HSF1: variants seen among roughly 807,000 people sequenced by gnomAD.
The protein encoded by HSF1 is heat shock transcription factor 1.
Under a neutral mutation model 51.7 loss-of-function variants are expected in HSF1, and 32 were observed. The observed-to-expected ratio is 0.62, with a 90% CI of 0.47 to 0.83. HSF1 has a LOEUF of 0.83. Ranked by LOEUF, HSF1 falls within the 40% of genes least tolerant of loss-of-function variation. HSF1 has a pLI of 0.00. For missense variants in HSF1, 727 were observed against 717.0 expected (o/e 1.01, Z -0.16); for synonymous variants, 396 against 309.7 (o/e 1.28, Z -2.92).
At position 144,313,620 on chromosome 8, in the gene HSF1, A is replaced by G. The variant is rs1816847813; in HGVS notation, c.1248+4A>G. On this transcript the variant is annotated splice_donor_region_variant and intron_variant, in intron 10 of 12. Coordinates refer to ENST00000528838, the MANE Select transcript of HSF1 (RefSeq NM_005526.4). Reference sequence around the variant, plus strand: ...GGACACCAGTGCCCTGCTGGACGTGAGTGGAGCCCCGCCGCCCCGCCTCCC... The same window carrying G: ...GGACACCAGTGCCCTGCTGGACGTGGGTGGAGCCCCGCCGCCCCGCCTCCC... 5.8e-6 allele frequency: 9 copies of G among 1,545,962 alleles called. No individual in the cohort carries two copies. The highest frequency in any genetic ancestry group is 1.5e-5 in the African/African-American group (1 of 67,408).
Position 144,297,356 on chromosome 8 carries a change from C to CAG in HSF1, c.117+5483_117+5484dup, listed in dbSNP as rs1460230605. The stretch of plus-strand genomic sequence containing the variant: ...CTGTGACCCTGTGGGCCATGGTGAG[C>CAG]AGCAGTAGCCACCACACTTGTGCAC... On this transcript the variant is annotated intron_variant, in intron 1 of 12. Coordinates refer to ENST00000528838, the MANE Select transcript of HSF1 (RefSeq NM_005526.4). This position sits in a 1 kb window ranked among gnomAD's most constrained non-coding sequence, Gnocchi z 4.6. 6.6e-6 allele frequency among the ~76,000 whole-genome samples: 1 copy of CAG among 152,180 alleles called. No individual in the cohort carries two copies. Among genetic ancestry groups the CAG allele is most frequent in the Non-Finnish European group, 1.5e-5 (1 of 68,044 alleles).
chr8:144,310,136 C>A, intron 4 of HSF1: 1 of 514,374 alleles, frequency 1.9e-6, no homozygotes, highest in South Asian at 2.6e-5. Flanking sequence ...TCTGCACATC[C>A]CCAGCGCCCT....
chr8:144,313,683 C>CCGCG, intron 10 of HSF1, 67 bp downstream of exon 10: 1 of 75,584 alleles, frequency 1.3e-5, no homozygotes, highest in East Asian at 2.6e-4. Context: ...GCCTCCCCGC[C>CCGCG]CCGCCTCCCC....
Position 144,313,497 on chromosome 8 carries a change from T to C in HSF1, c.1143-14T>C, listed in dbSNP as rs1554845465. 2 of 1,579,366 alleles carry C rather than the reference T, an allele frequency of 1.3e-6. No individual in the cohort carries two copies. Among genetic ancestry groups the C allele is most frequent in the South Asian group, 1.1e-5 (1 of 90,356 alleles). ...CTGGGGCACTGGTTCAGGTACCGCC[T>C]TATCCCGGGCCAGGAATGAGCTCAG... On this transcript the variant is annotated splice_polypyrimidine_tract_variant and intron_variant, in intron 9 of 12. Transcript: ENST00000528838.
intron 2 of HSF1, 57 bp downstream of exon 2, chr8:144,309,071 G>C: frequency 7.6e-7 from 1 of 1,311,372 alleles, no homozygotes; most frequent in African/African-American, 1.4e-5. Flanking sequence ...CAGATGGCGG[G>C]ACCCCAGCAG....
intron 9 of HSF1, chr8:144,312,605 G>C (rs1461225367): frequency 6.5e-7 from 1 of 1,531,480 alleles, no homozygotes; most frequent in Non-Finnish European, 8.7e-7. Context: ...TGCAATGGGG[G>C]CTCTTGTTTT....
intron 10 of HSF1, 62 bp downstream of exon 10, chr8:144,313,678 C>CCCGCCCCG (rs1816913273): frequency 8.9e-6 from 1 of 112,058 alleles, no homozygotes; most frequent in Admixed American, 1.3e-4. Context: ...GCCCCGCCTC[C>CCCGCCCCG]CCGCCCCGCC....
At position 144,311,999 on chromosome 8, in the gene HSF1, G is replaced by A. The variant is rs1554844785; in HGVS notation, c.897G>A (p.Glu299=). The A allele has an allele frequency of 1.3e-6, 2 of 1,596,448 alleles. No homozygotes were observed. The highest frequency in any genetic ancestry group is 1.7e-6 in the Non-Finnish European group (2 of 1,170,966). Reference sequence around the variant, plus strand: ...GCAGCCCCCTGGTGCGTGTCAAGGAGGAGCCCCCCAGCCCGCCTCAGAGCC... The same window carrying A: ...GCAGCCCCCTGGTGCGTGTCAAGGAAGAGCCCCCCAGCCCGCCTCAGAGCC... ...LSSSPLVRVK[E]EPPSPPQSPR... is the part of the protein sequence containing the mutation. The change falls in exon 9 of 13, where the codon GAG becomes GAA. Residue 299 remains glutamate, a synonymous_variant. Transcript: ENST00000528838.
In HSF1 at chr8:144,312,086, C is replaced by T. The variant is rs782678571; in HGVS notation, c.984C>T (p.Thr328=). The T allele has an allele frequency of 2.2e-5, 36 of 1,612,394 alleles. 1 individual carries two copies. Among genetic ancestry groups the T allele is most frequent in the South Asian group, 9.9e-5 (9 of 91,088 alleles). The change falls in exon 9 of 13, where the codon ACC becomes ACT. Residue 328 remains threonine, a synonymous_variant. Transcript: ENST00000528838. ...CCGTGGACACCCTCTTGTCCCCGAC[C>T]GCCCTCATTGACTCCATCCTGCGGG... ...PSSVDTLLSP[T]ALIDSILRES...
chr8:144,293,878 G>C (rs1245389126), intron 1 of HSF1, among the ~76,000 whole-genome samples: 1 of 151,110 alleles, frequency 6.6e-6, no homozygotes, highest in Non-Finnish European at 1.5e-5. Context: ...TAATCTGCTT[G>C]CTGTTTCTGC....
At chr8:144,306,693 G>A (rs1816249446) in intron 1 of HSF1, among the ~76,000 whole-genome samples, 1 of 152,158 alleles carries the variant, frequency 6.6e-6, no homozygotes, top group Non-Finnish European at 1.5e-5. Context: ...GGTTGAGAGT[G>A]GCAGCTCTGG....
intron 1 of HSF1, among the ~76,000 whole-genome samples, chr8:144,306,801 G>A (rs1407083054): frequency 3.9e-5 from 6 of 152,228 alleles, no homozygotes; most frequent in African/African-American, 1.2e-4. Context: ...TAAAGGTTGC[G>A]TTCTTTCTTG....
chr8:144,298,415 G>A (rs952707465), intron 1 of HSF1, among the ~76,000 whole-genome samples: 9 of 150,342 alleles, frequency 6.0e-5, no homozygotes. Flanking sequence ...TGACCAACAT[G>A]GTGAAACCCC....
chr8:144,304,477 G>T (rs1009970261), intron 1 of HSF1, among the ~76,000 whole-genome samples: 34 of 152,228 alleles, frequency 2.2e-4, no homozygotes, highest in African/African-American at 8.2e-4. Context: ...ATGGGGTCTC[G>T]CTATGTTGCC....
chr8:144,303,159 C>G (rs992600033), intron 1 of HSF1, among the ~76,000 whole-genome samples: 1 of 152,014 alleles, frequency 6.6e-6, no homozygotes. Flanking sequence ...GATTTCGTCT[C>G]TTCTATCATT....
chr8:144,313,647 G>GCGCCT (rs201509159), intron 10 of HSF1, 31 bp downstream of exon 10: 63 of 328,646 alleles, frequency 1.9e-4, no homozygotes, highest in African/African-American at 1.1e-3. Context: ...CCGCCTCCCC[G>GCGCCT]CCCCGCCTCC....
chr8:144,308,653 C>T (rs1004764841), intron 1 of HSF1, among the ~76,000 whole-genome samples: 4 of 152,220 alleles, frequency 2.6e-5, no homozygotes, highest in Admixed American at 6.5e-5. Flanking sequence ...AGGAAGGCCT[C>T]GCATCTGCCC....
rs781837066 is a variant in HSF1 at position 144,311,555 on chromosome 8, G to T, written c.677G>T (p.Ser226Ile). ...SGSAHSMPKY[S>I]RQFSLEHVHG... The stretch of plus-strand genomic sequence containing the variant: ...TCAGCACATTCCATGCCCAAGTATA[G>T]CCGGCAGTTCTCCCTGGAGCACGTC... Residue 226 changes from serine to isoleucine, a missense_variant, in exon 7 of 13, where the codon AGC becomes ATC. By Grantham distance (142) the Ser-to-Ile change is moderately radical. This residue lies in a region of HSF1 where 257 missense variants were observed against 318.3 expected (regional missense o/e 0.81). Coordinates refer to ENST00000528838, the MANE Select transcript of HSF1 (RefSeq NM_005526.4). 5.0e-6 allele frequency: 8 copies of T among 1,613,738 alleles called. No individual in the cohort carries two copies. The highest frequency in any genetic ancestry group is 6.8e-6 in the Non-Finnish European group (8 of 1,179,982).
At chr8:144,312,310 G>A (rs1314735901) in intron 9 of HSF1, 66 bp downstream of exon 9, 26 of 1,167,016 alleles carry the variant, frequency 2.2e-5, no homozygotes, top group East Asian at 5.2e-5. Context: ...CTTCAGCCCC[G>A]ACTGTCCCAG....
Sources: allele counts gnomAD v4.1 joint callset (sites outside exome capture counted in the v4.1 genomes callset), GRCh38; gene constraint gnomAD v4.1.1; regional missense constraint gnomAD v4.1.1; non-coding constraint Gnocchi (gnomAD v3.1); transcripts MANE v1.5; gene names NCBI Gene and HGNC (gene_info 2026-07-23, HGNC 2026-07-21).